The following CADM2 variants were observed in gnomAD, a reference collection of about 807,000 sequenced individuals.
The protein encoded by CADM2 is immunoglobulin superfamily member 4D.
Under a neutral mutation model 49.8 loss-of-function variants are expected in CADM2, and 12 were observed. The observed-to-expected ratio is 0.24, with a 90% CI of 0.15 to 0.39. The LOEUF is 0.39. CADM2 is among the 10% of genes least tolerant of loss of function. The pLI, the probability that CADM2 is intolerant of heterozygous loss-of-function variation, is 1.00. For missense variants in CADM2, 378 were observed against 492.3 expected, an observed-to-expected ratio of 0.77 and a Z score of 2.20; for synonymous variants, 214 against 175.4, an observed-to-expected ratio of 1.22 and a Z score of -1.74.
At chr3:85,159,881 TCAA>T (rs2040260428) in intron 1 of CADM2, among the ~76,000 whole-genome samples, 1 of 152,180 alleles carries the variant, frequency 6.6e-6, no homozygotes, top group Non-Finnish European at 1.5e-5. Context: ...AATAACTGTA[TCAA>T]AAGTTTTACC....
At chr3:85,887,260 T>C (rs1353508259) in intron 5 of CADM2, among the ~76,000 whole-genome samples, 1 of 152,076 alleles carries the variant, frequency 6.6e-6, no homozygotes, top group African/African-American at 2.4e-5. Flanking sequence ...CTAACTTGTT[T>C]TATTTTTTGT....
At chr3:85,390,774 C>A (rs1450437515) in intron 1 of CADM2, among the ~76,000 whole-genome samples, 1 of 151,984 alleles carries the variant, frequency 6.6e-6, no homozygotes, top group Non-Finnish European at 1.5e-5. Context: ...CAACTAGCTT[C>A]AAAATAATTT....
In CADM2 at chr3:85,159,114, A is replaced by C. The variant is rs1444654259; in HGVS notation, c.61+199446A>C. On this transcript the variant is annotated intron_variant, in intron 1 of 9. Coordinates refer to ENST00000383699, the MANE Select transcript of CADM2 (RefSeq NM_001167675.2). ...TATTTTATACTTTCTTTACTTAATC[A>C]TTTGCAAATTAATGTCTCTTCATAT... Among the ~76,000 whole-genome samples the C allele has an allele frequency of 2.0e-5, 3 of 152,154 alleles. No individual in the cohort carries two copies. In the East Asian group the frequency reaches 5.8e-4, roughly 29 times the overall value.
At chr3:85,157,197 A>G (rs1441641007) in intron 1 of CADM2, among the ~76,000 whole-genome samples, 3 of 152,146 alleles carry the variant, frequency 2.0e-5, no homozygotes, top group Non-Finnish European at 4.4e-5. Context: ...AGAGGATACA[A>G]ACAAATGGAA....
At chr3:85,249,539 C>T (rs2042727454) in intron 1 of CADM2, among the ~76,000 whole-genome samples, 1 of 151,910 alleles carries the variant, frequency 6.6e-6, no homozygotes. Flanking sequence ...TTAATGTTTA[C>T]ATTGTCTATA....
intron 6 of CADM2, among the ~76,000 whole-genome samples, chr3:85,920,241 A>G (rs7646410): frequency 0.19 from 28,642 of 151,738 alleles, 2,843 homozygotes; most frequent in African/African-American, 0.24. Flanking sequence ...TGAAATGCTA[A>G]TTATCTAATT....
At chr3:85,281,693 T>G (rs752874332) in intron 1 of CADM2, among the ~76,000 whole-genome samples, 1 of 152,126 alleles carries the variant, frequency 6.6e-6, no homozygotes, top group Non-Finnish European at 1.5e-5. Context: ...ATCAAATTAT[T>G]ATTTGACTGC....
At chr3:85,517,147 C>T (rs1307206354) in intron 1 of CADM2, among the ~76,000 whole-genome samples, 1 of 151,322 alleles carries the variant, frequency 6.6e-6, no homozygotes, top group East Asian at 1.9e-4. Flanking sequence ...TCTCTTAGCT[C>T]AAGAAAAATA....
At chr3:85,810,255 C>T (rs928267280) in intron 3 of CADM2, among the ~76,000 whole-genome samples, 2 of 152,082 alleles carry the variant, frequency 1.3e-5, no homozygotes, top group Non-Finnish European at 2.9e-5. Context: ...CTTGTCAATT[C>T]CTTCTGGGCT....
At chr3:85,656,940 C>G (rs1282086256) in intron 1 of CADM2, among the ~76,000 whole-genome samples, 2 of 152,106 alleles carry the variant, frequency 1.3e-5, no homozygotes, top group Non-Finnish European at 2.9e-5. Context: ...CCAATTCTAT[C>G]TCCCCATGTC....
At chr3:85,742,598 T>TA (rs1039578556) in intron 2 of CADM2, among the ~76,000 whole-genome samples, 6 of 152,160 alleles carry the variant, frequency 3.9e-5, no homozygotes, top group South Asian at 4.1e-4. Flanking sequence ...GAGCAAAAAT[T>TA]AAAAAAATTG....
intron 1 of CADM2, among the ~76,000 whole-genome samples, chr3:85,577,101 T>A (rs2062652848): frequency 6.6e-6 from 1 of 152,148 alleles, no homozygotes; most frequent in South Asian, 2.1e-4. Flanking sequence ...CCCATCTGAG[T>A]CTTTATCCGT....
intron 1 of CADM2, among the ~76,000 whole-genome samples, chr3:85,534,388 C>G (rs898183602): frequency 6.6e-6 from 1 of 152,236 alleles, no homozygotes; most frequent in Admixed American, 6.5e-5. Context: ...ATTTCGAGTC[C>G]TCTATAGTCT....
chr3:85,528,418 T>C (rs2061220710), intron 1 of CADM2, among the ~76,000 whole-genome samples: 1 of 152,226 alleles, frequency 6.6e-6, no homozygotes, highest in South Asian at 2.1e-4. Context: ...GTAAGCTTTC[T>C]GGGTTCAAAT....
Position 85,114,049 on chromosome 3 carries a change from C to T in CADM2, c.61+154381C>T, listed in dbSNP as rs192940060. 2.0e-3 allele frequency among the ~76,000 whole-genome samples: 309 copies of T among 151,818 alleles called. 2 individuals are homozygous for T. The highest frequency in any genetic ancestry group is 7.2e-3 in the African/African-American group (299 of 41,378). On this transcript the variant is annotated intron_variant, in intron 1 of 9. Coordinates refer to ENST00000383699, the MANE Select transcript of CADM2 (RefSeq NM_001167675.2). The stretch of plus-strand genomic sequence containing the variant: ...TTTGTGTGACCTTGTTATTTTTAAC[C>T]TCATAAACCATAAGTATAGGATCCA...
intron 2 of CADM2, among the ~76,000 whole-genome samples, chr3:85,796,691 T>C (rs1278135122): frequency 6.6e-6 from 1 of 152,128 alleles, no homozygotes; most frequent in Non-Finnish European, 1.5e-5. Context: ...TCTCTTATGG[T>C]GCCAATCAAC....
intron 1 of CADM2, among the ~76,000 whole-genome samples, chr3:85,237,473 T>C (rs1010397135): frequency 2.0e-5 from 3 of 151,702 alleles, no homozygotes; most frequent in Admixed American, 2.0e-4. Flanking sequence ...TCATTCTATA[T>C]ATAATGAAAA....
At chr3:85,324,174 T>C (rs1391417974) in intron 1 of CADM2, among the ~76,000 whole-genome samples, 2 of 152,164 alleles carry the variant, frequency 1.3e-5, no homozygotes, top group Admixed American at 6.5e-5. Context: ...ACTAGAAAAA[T>C]ATATACTTGT....
At chr3:85,638,198 G>T (rs2064577174) in intron 1 of CADM2, among the ~76,000 whole-genome samples, 1 of 152,118 alleles carries the variant, frequency 6.6e-6, no homozygotes, top group Non-Finnish European at 1.5e-5. Context: ...GTAGCCTCTA[G>T]AAGATTGCAA....
Sources: allele counts gnomAD v4.1 joint callset (sites outside exome capture counted in the v4.1 genomes callset), GRCh38; gene constraint gnomAD v4.1.1; transcripts MANE v1.5; gene names NCBI Gene and HGNC (gene_info 2026-07-23, HGNC 2026-07-21).